The following NEK11 variants were observed in gnomAD, a reference collection of about 807,000 sequenced individuals.
NEK11 encodes serine/threonine-protein kinase Nek11.
A neutral mutation model predicts 80.7 loss-of-function variants in NEK11; 72 were observed. That is an observed-to-expected ratio of 0.89 (90% CI 0.74 to 1.08). The LOEUF is 1.08. Among genes scored for constraint, NEK11 ranks in the 50% least tolerant of loss-of-function variants. The probability of loss-of-function intolerance (pLI) is 0.00; values close to 1 mark genes in which losing one functional copy is unlikely to be tolerated. For missense variants in NEK11, 764 were observed against 763.6 expected (o/e 1.00, Z -0.01); for synonymous variants, 251 against 260.7 (o/e 0.96, Z 0.36).
At chr3:131,138,330 G>C (rs1451529953) in intron 7 of NEK11, among the ~76,000 whole-genome samples, 1 of 152,182 alleles carries the variant, frequency 6.6e-6, no homozygotes, top group Non-Finnish European at 1.5e-5. Context: ...TCTGCACATA[G>C]GAAGGGGAGG....
chr3:131,087,063 A>G (rs2076070786), intron 4 of NEK11, among the ~76,000 whole-genome samples: 1 of 152,048 alleles, frequency 6.6e-6, no homozygotes, highest in Admixed American at 6.6e-5. Context: ...CTTTTCTCCT[A>G]GTAGATTTTC....
intron 15 of NEK11, among the ~76,000 whole-genome samples, chr3:131,232,018 A>C (rs955474796): frequency 1.3e-5 from 2 of 152,200 alleles, no homozygotes; most frequent in African/African-American, 4.8e-5. Context: ...CACCCATGAC[A>C]ATCTTTTTAG....
chr3:131,331,491 G>A (rs979172361), intron 17 of NEK11, among the ~76,000 whole-genome samples: 2 of 152,268 alleles, frequency 1.3e-5, no homozygotes, highest in East Asian at 1.9e-4. Flanking sequence ...CAAGATGGCC[G>A]AATAGGAACA....
rs58840767 is a variant in NEK11 at position 131,223,856 on chromosome 3, G to T, written c.1400-4672G>T. Among the ~76,000 whole-genome samples the T allele has an allele frequency of 5.1e-3, 777 of 152,222 alleles. 6 individuals carry two copies. The highest frequency in any genetic ancestry group is 0.018 in the African/African-American group (747 of 41,510). ...GTCCACAGAAAGGAAACCACAGAGA[G>T]GCGAGATTCCATATTGCCCATTTCA... On this transcript the variant is annotated intron_variant, in intron 14 of 17. Coordinates refer to ENST00000383366, the MANE Select transcript of NEK11 (RefSeq NM_024800.5).
intron 4 of NEK11, among the ~76,000 whole-genome samples, chr3:131,106,059 A>T (rs1267578439): frequency 6.6e-6 from 1 of 152,150 alleles, no homozygotes; most frequent in Admixed American, 6.5e-5. Flanking sequence ...TTAGCCCTTT[A>T]TGACCTTAAT....
rs927108443 is a variant in NEK11, at chr3:131,344,257, T to A, written c.1719-5300T>A. On this transcript the variant is annotated intron_variant, in intron 17 of 17. Transcript: ENST00000383366. ...CAAACTTCCACAGATCCCTAGGGCA[T>A]AGACAGAATGCAGCTAAGCTCTTTG... Among the ~76,000 whole-genome samples the A allele has an allele frequency of 7.9e-5, 12 of 152,208 alleles. 1 individual carries two copies. Among genetic ancestry groups the A allele is most frequent in the Non-Finnish European group, 1.6e-4 (11 of 68,036 alleles).
chr3:131,079,616 G>A (rs2074915391), intron 3 of NEK11, among the ~76,000 whole-genome samples: 1 of 151,848 alleles, frequency 6.6e-6, no homozygotes, highest in Non-Finnish European at 1.5e-5. Context: ...TTCTTAGATG[G>A]GAAGAGATAA....
At chr3:131,131,150 C>T (rs1290648782) in intron 5 of NEK11, among the ~76,000 whole-genome samples, 1 of 152,150 alleles carries the variant, frequency 6.6e-6, no homozygotes, top group East Asian at 1.9e-4. Flanking sequence ...ATTTTTTCAT[C>T]TACATTCATC....
chr3:131,105,626 C>T (rs751891521), intron 4 of NEK11, among the ~76,000 whole-genome samples: 126 of 152,220 alleles, frequency 8.3e-4, no homozygotes, highest in Non-Finnish European at 1.5e-3. Flanking sequence ...TGAGTGCAAG[C>T]AGGGGAAATG....
intron 14 of NEK11, among the ~76,000 whole-genome samples, chr3:131,209,257 T>C (rs2094536990): frequency 6.6e-6 from 1 of 152,216 alleles, no homozygotes; most frequent in South Asian, 2.1e-4. Context: ...TCTTTGGTTC[T>C]GTTTATATGA....
At chr3:131,091,764 A>G (rs1341059463) in intron 4 of NEK11, among the ~76,000 whole-genome samples, 1 of 152,228 alleles carries the variant, frequency 6.6e-6, no homozygotes, top group Non-Finnish European at 1.5e-5. Context: ...CTTTAAATAA[A>G]TTAAATTTAC....
At chr3:131,292,414 A>G (rs1382821619) in intron 17 of NEK11, among the ~76,000 whole-genome samples, 2 of 152,096 alleles carry the variant, frequency 1.3e-5, no homozygotes, top group African/African-American at 4.8e-5. Context: ...ACCTCTCCAT[A>G]TAAACTTTGG....
At chr3:131,113,789 G>A (rs1212084619) in intron 5 of NEK11, among the ~76,000 whole-genome samples, 1 of 151,684 alleles carries the variant, frequency 6.6e-6, no homozygotes, top group Non-Finnish European at 1.5e-5. Flanking sequence ...GCAGGCACCT[G>A]TAATCCCAGC....
chr3:131,337,016 G>T (rs1307684602), intron 17 of NEK11, among the ~76,000 whole-genome samples: 1 of 152,076 alleles, frequency 6.6e-6, no homozygotes, highest in Non-Finnish European at 1.5e-5. Flanking sequence ...CACTGTTGGT[G>T]GGACTGTAAA....
rs2149370874 is a variant in NEK11, at chr3:131,112,779, G to A, written c.455+2858G>A. Among the ~76,000 whole-genome samples the A allele has an allele frequency of 1.3e-5, 2 of 152,238 alleles. 1 individual carries two copies. The highest frequency in any genetic ancestry group is 1.3e-4 in the Admixed American group (2 of 15,298). On this transcript the variant is annotated intron_variant, in intron 5 of 17. Transcript: ENST00000383366. Reference sequence around the variant, plus strand: ...GGGAACAGAGCACAGCCACAGAGGTGGGAAAACATGGAACTTTTAGAGAGA... The same window carrying A: ...GGGAACAGAGCACAGCCACAGAGGTAGGAAAACATGGAACTTTTAGAGAGA...
intron 3 of NEK11, among the ~76,000 whole-genome samples, chr3:131,044,301 G>A (rs1445602716): frequency 6.6e-6 from 1 of 151,642 alleles, no homozygotes; most frequent in Non-Finnish European, 1.5e-5. Flanking sequence ...GGCACAGACT[G>A]GCAAATTGGA....
At chr3:131,211,212 T>C (rs1381145878) in intron 14 of NEK11, among the ~76,000 whole-genome samples, 1 of 152,218 alleles carries the variant, frequency 6.6e-6, no homozygotes, top group African/African-American at 2.4e-5. Context: ...TAAAGTATTT[T>C]ATTTCTCCTT....
intron 12 of NEK11, among the ~76,000 whole-genome samples, chr3:131,167,851 C>T (rs576864386): frequency 5.3e-5 from 8 of 152,300 alleles, no homozygotes; most frequent in East Asian, 3.9e-4. Flanking sequence ...GGGAAGCGAC[C>T]GATGCTGATG....
intron 17 of NEK11, among the ~76,000 whole-genome samples, chr3:131,280,298 A>C (rs2096375287): frequency 1.3e-5 from 2 of 152,136 alleles, no homozygotes; most frequent in Admixed American, 6.5e-5. Flanking sequence ...CGTGTTCTCC[A>C]CTTTAGGAAC....
Sources: gnomAD v4.1 joint callset for allele counts (sites outside exome capture counted in the v4.1 genomes callset) on GRCh38, gnomAD v4.1.1 for gene constraint, MANE v1.5 for transcripts, NCBI Gene and HGNC (gene_info 2026-07-23, HGNC 2026-07-21) for gene names.